The following MIPEP variants were observed in gnomAD, a reference collection of about 807,000 sequenced individuals.
The protein encoded by MIPEP is mitochondrial intermediate peptidase.
Under a neutral mutation model 90.3 loss-of-function variants are expected in MIPEP, and 79 were observed. The ratio of observed to expected loss-of-function variants is 0.87; its 90% CI spans 0.73 to 1.05. The LOEUF is 1.05. MIPEP is among the 50% of genes least tolerant of loss of function. The pLI, the probability that MIPEP is intolerant of heterozygous loss-of-function variation, is 0.00. For synonymous variants in MIPEP, 334 were observed against 315.8 expected, an observed-to-expected ratio of 1.06 and a Z score of -0.61; for missense variants, 940 against 905.6, an observed-to-expected ratio of 1.04 and a Z score of -0.49.
chr13:23,828,577 A>G (rs976620167), intron 14 of MIPEP, among the ~76,000 whole-genome samples: 1 of 152,246 alleles, frequency 6.6e-6, no homozygotes, highest in African/African-American at 2.4e-5. Flanking sequence ...AGTATCAAAA[A>G]GGAAGGGCAT....
intron 9 of MIPEP, among the ~76,000 whole-genome samples, chr13:23,860,744 A>G (rs1045721676): frequency 6.6e-6 from 1 of 152,200 alleles, no homozygotes; most frequent in Non-Finnish European, 1.5e-5. Context: ...GGCTAAATAC[A>G]TGGCTAAACT....
intron 16 of MIPEP, among the ~76,000 whole-genome samples, chr13:23,795,531 T>C (rs1409878471): frequency 1.3e-5 from 2 of 152,188 alleles, no homozygotes; most frequent in Admixed American, 1.3e-4. Flanking sequence ...TTAATCTAGA[T>C]GACAGAAATC....
At position 23,761,656 on chromosome 13, in the gene MIPEP, C is replaced by T. The variant is rs369317659; in HGVS notation, c.1849-1439G>A. On this transcript the variant is annotated intron_variant, in intron 16 of 18. Transcript: ENST00000382172. ...TGCAGGGCTATGCAAGCACGGCACA[C>T]GAGCTTGCGATGGTATATCTGCTGT... Among the ~76,000 whole-genome samples, 150 of 152,288 alleles carry T rather than the reference C, an allele frequency of 9.8e-4. 1 individual carries two copies. The highest frequency in any genetic ancestry group is 3.4e-3 in the African/African-American group (141 of 41,544).
At chr13:23,865,836 A>G (rs1018121395) in intron 7 of MIPEP, among the ~76,000 whole-genome samples, 12 of 151,602 alleles carry the variant, frequency 7.9e-5, no homozygotes, top group African/African-American at 2.9e-4. Flanking sequence ...GCGCCCAATT[A>G]ATTTTTGTAT....
intron 16 of MIPEP, among the ~76,000 whole-genome samples, chr13:23,767,709 C>T (rs2138526960): frequency 6.6e-6 from 1 of 152,254 alleles, no homozygotes; most frequent in South Asian, 2.1e-4. Flanking sequence ...GCCTCGGCTT[C>T]CCAAAGTGCT....
chr13:23,756,486 T>G, intron 18 of MIPEP, 59 bp downstream of exon 18: 1 of 1,536,096 alleles, frequency 6.5e-7, no homozygotes, highest in Non-Finnish European at 9.0e-7. Flanking sequence ...GAAAAAAACA[T>G]ATGGAGAAAA....
At chr13:23,823,011 T>A (rs1182935762) in intron 14 of MIPEP, among the ~76,000 whole-genome samples, 1 of 151,986 alleles carries the variant, frequency 6.6e-6, no homozygotes, top group African/African-American at 2.4e-5. Flanking sequence ...TGAACCCACT[T>A]CACATCCATT....
Position 23,889,178 on chromosome 13 carries a change from T to C in MIPEP, c.143A>G (p.Asn48Ser), listed in dbSNP as rs1229295956. 15 of 1,467,398 alleles carry C rather than the reference T, an allele frequency of 1.0e-5. No homozygotes were observed. Among genetic ancestry groups the C allele is most frequent in the South Asian group, 1.3e-5 (1 of 74,370 alleles). The allele number at this position is 1,467,398 out of a possible 1,614,324, so 90.9% of individuals were successfully genotyped here. The change falls in exon 1 of 19, where the codon AAT becomes AGT. Residue 48 changes from asparagine (N) to serine (S), a missense_variant. Physicochemically the swap from Asn to Ser is conservative, Grantham distance 46. Coordinates refer to ENST00000382172, the MANE Select transcript of MIPEP (RefSeq NM_005932.4). ...TSWSPVGAAF[N>S]VKPQGSRLDL... is the part of the protein sequence containing the mutation. ...CAAGCGGCTGCCCTGGGGCTTGACA[T>C]TGAAGGCGGCGCCCACGGGAGACCA... is the stretch of plus-strand genomic sequence containing the variant.
chr13:23,746,372 G>A (rs976263495), intron 18 of MIPEP, among the ~76,000 whole-genome samples: 4 of 151,746 alleles, frequency 2.6e-5, no homozygotes, highest in East Asian at 2.0e-4. Flanking sequence ...AGTGGTTCAC[G>A]CCTGTAATCT....
chr13:23,866,259 G>A (rs893383942), intron 7 of MIPEP, among the ~76,000 whole-genome samples: 1 of 152,028 alleles, frequency 6.6e-6, no homozygotes, highest in East Asian at 1.9e-4. Flanking sequence ...CATCGACACC[G>A]AAAACGTGCC....
intron 17 of MIPEP, chr13:23,756,827 G>T: frequency 1.8e-6 from 1 of 565,190 alleles, no homozygotes; most frequent in Non-Finnish European, 3.1e-6. Context: ...CATATTCCCT[G>T]TAAGAGGATA....
At chr13:23,768,229 AC>A (rs1053651549) in intron 16 of MIPEP, among the ~76,000 whole-genome samples, 2 of 152,134 alleles carry the variant, frequency 1.3e-5, no homozygotes, top group African/African-American at 4.8e-5. Context: ...CCAAGTTTAC[AC>A]CCGGCTTGAT....
chr13:23,816,913 C>G (rs566890138), intron 14 of MIPEP, among the ~76,000 whole-genome samples: 15 of 152,176 alleles, frequency 9.9e-5, no homozygotes, highest in African/African-American at 3.6e-4. Context: ...TCTAACAATT[C>G]GCTAAAGTGT....
chr13:23,773,489 G>A (rs987985864), intron 16 of MIPEP, among the ~76,000 whole-genome samples: 2 of 152,144 alleles, frequency 1.3e-5, no homozygotes, highest in Admixed American at 1.3e-4. Flanking sequence ...CCTGGGAGTG[G>A]AACTGCTGGG....
Position 23,806,190 on chromosome 13 carries a change from C to T in MIPEP, c.1729-121G>A, listed in dbSNP as rs1566000056. Reference sequence around the variant, plus strand: ...TACCAATCACAGTTGAAAACAGTCACAAAAATAAACTTACATGGTTTGAAA... The same window carrying T: ...TACCAATCACAGTTGAAAACAGTCATAAAAATAAACTTACATGGTTTGAAA... On this transcript the variant is annotated intron_variant, in intron 15 of 18. Coordinates refer to ENST00000382172, the MANE Select transcript of MIPEP (RefSeq NM_005932.4). 3.1e-6 allele frequency: 3 copies of T among 969,272 alleles called. No individual in the cohort carries two copies. The Admixed American group carries it at 6.4e-5, about 21-fold the overall frequency. 60.0% of individuals were successfully genotyped at this position (969,272 alleles called of 1,614,324 possible).
At chr13:23,844,840 A>G (rs954651744) in intron 10 of MIPEP, among the ~76,000 whole-genome samples, 2 of 152,242 alleles carry the variant, frequency 1.3e-5, no homozygotes, top group African/African-American at 4.8e-5. Flanking sequence ...AAAAAATTTA[A>G]GTATAGAATA....
chr13:23,747,427 CTTA>C lies in MIPEP; in HGVS notation c.2044+9115_2044+9117del, dbSNP rs1952394730. ...CCCTTTCTTCTAGTGGTGTCCCCTA[CTTA>C]TTATGCCTGCTATCTAGCTGCTTAA... is the stretch of plus-strand genomic sequence containing the variant. On this transcript the variant is annotated intron_variant, in intron 18 of 18. Transcript: ENST00000382172. 9.5e-5 allele frequency: 40 copies of C among 422,246 alleles called. 1 individual carries two copies. Among genetic ancestry groups the C allele is most frequent in the South Asian group, 6.3e-4 (37 of 58,696 alleles). The allele number at this position is 422,246 out of a possible 1,614,324, so 26.2% of individuals were successfully genotyped here. A position where few individuals can be genotyped will look rare whatever the true frequency, so the allele number is the denominator to read the frequency against.
At chr13:23,750,416 C>G (rs1952430391) in intron 18 of MIPEP, among the ~76,000 whole-genome samples, 1 of 152,236 alleles carries the variant, frequency 6.6e-6, no homozygotes. Flanking sequence ...ATGACCTTGA[C>G]AGTTTTGAGG....
rs371992546 is a variant in MIPEP at position 23,873,823 on chromosome 13, A to G, written c.603+1023T>C. ...AGCGGCAAACGTGGTCACCTTAGGCAATGTGAGTTTACAGTAGAGCCCATA... is the reference window on the plus strand; with the variant it reads ...AGCGGCAAACGTGGTCACCTTAGGCGATGTGAGTTTACAGTAGAGCCCATA... On this transcript the variant is annotated intron_variant, in intron 5 of 18. Coordinates refer to ENST00000382172, the MANE Select transcript of MIPEP (RefSeq NM_005932.4). Among the ~76,000 whole-genome samples the G allele has an allele frequency of 3.3e-5, 5 of 152,212 alleles. No individual in the cohort carries two copies. The East Asian group carries it at 9.6e-4, about 29-fold the overall frequency.
Sources: gnomAD v4.1 joint callset for allele counts (sites outside exome capture counted in the v4.1 genomes callset) on GRCh38, gnomAD v4.1.1 for gene constraint, MANE v1.5 for transcripts, NCBI Gene and HGNC (gene_info 2026-07-23, HGNC 2026-07-21) for gene names.